The following ROBO2 variants were observed in gnomAD, a reference collection of about 807,000 sequenced individuals.
ROBO2 encodes the protein roundabout homolog 2.
In ROBO2, 53 loss-of-function variants were observed where a neutral mutation model predicts 160.8. The ratio of observed to expected loss-of-function variants is 0.33; its 90% CI spans 0.26 to 0.41. The LOEUF is 0.41. Ranked by LOEUF, ROBO2 falls within the 10% of genes least tolerant of loss-of-function variation. The pLI is 1.00. For synonymous variants in ROBO2, 664 were observed against 611.7 expected (o/e 1.09, Z -1.26); for missense variants, 1,577 against 1,722.4 (o/e 0.92, Z 1.49).
intron 16 of ROBO2, among the ~76,000 whole-genome samples, chr3:77,585,883 G>A (rs975240533): frequency 2.6e-5 from 4 of 151,988 alleles, no homozygotes; most frequent in Non-Finnish European, 5.9e-5. Context: ...AACTGGAAAC[G>A]GCACTTGAAG....
At chr3:77,466,111 A>G (rs1483111354) in intron 2 of ROBO2, among the ~76,000 whole-genome samples, 1 of 152,166 alleles carries the variant, frequency 6.6e-6, no homozygotes, top group Non-Finnish European at 1.5e-5. Context: ...TAGAAAAGTG[A>G]TAGAGCTATT....
chr3:77,333,212 AAG>A (rs1217145462), intron 2 of ROBO2, among the ~76,000 whole-genome samples: 2 of 152,206 alleles, frequency 1.3e-5, no homozygotes, highest in Non-Finnish European at 2.9e-5. Flanking sequence ...ATTAACCATG[AAG>A]AGGTTATAGC....
intron 2 of ROBO2, among the ~76,000 whole-genome samples, chr3:76,869,561 G>T (rs2071792020): frequency 6.6e-6 from 1 of 151,868 alleles, no homozygotes; most frequent in African/African-American, 2.4e-5. Context: ...GTGTTGGCCA[G>T]GATGGTCTCG....
At chr3:77,564,891 C>T in intron 11 of ROBO2, 63 bp from the exon 13 acceptor site, 2 of 1,484,854 alleles carry the variant, frequency 1.3e-6, no homozygotes, top group South Asian at 1.2e-5. Context: ...GTCATTGATA[C>T]CCAACTCCAT....
intron 17 of ROBO2, among the ~76,000 whole-genome samples, chr3:77,592,762 G>A (rs1045525418): frequency 2.0e-5 from 3 of 152,070 alleles, no homozygotes; most frequent in Non-Finnish European, 4.4e-5. Flanking sequence ...GTCTTGGCCA[G>A]GCTGGTCTTG....
chr3:76,299,518 C>T (rs1709254437), intron 2 of ROBO2, among the ~76,000 whole-genome samples: 1 of 152,092 alleles, frequency 6.6e-6, no homozygotes, highest in Admixed American at 6.6e-5. Context: ...ATCATAAAGA[C>T]CTACCAGCTC....
intron 19 of ROBO2, 22 bp from the exon 21 acceptor site, chr3:77,602,188 C>A: frequency 6.2e-7 from 1 of 1,613,838 alleles, no homozygotes; most frequent in East Asian, 2.2e-5. Flanking sequence ...TAAATTGTTT[C>A]ATTTCCCTAT....
intron 2 of ROBO2, among the ~76,000 whole-genome samples, chr3:77,299,990 A>G (rs745888107): frequency 1.3e-5 from 2 of 151,970 alleles, no homozygotes; most frequent in Non-Finnish European, 2.9e-5. Context: ...TCATATTCTC[A>G]TAGTTTGGAA....
intron 2 of ROBO2, among the ~76,000 whole-genome samples, chr3:76,284,720 A>G (rs1576260057): frequency 6.6e-6 from 1 of 152,120 alleles, no homozygotes; most frequent in African/African-American, 2.4e-5. Flanking sequence ...AATTTTATCC[A>G]GAGGCCTGAC....
At chr3:77,511,299 T>C (rs910839242) in intron 5 of ROBO2, among the ~76,000 whole-genome samples, 7 of 151,994 alleles carry the variant, frequency 4.6e-5, no homozygotes, top group Middle Eastern at 3.4e-3. Flanking sequence ...TGGTTAAAAC[T>C]TGAAAGGAGT....
At chr3:76,926,352 T>C (rs2076988655) in intron 2 of ROBO2, among the ~76,000 whole-genome samples, 1 of 152,204 alleles carries the variant, frequency 6.6e-6, no homozygotes, top group Non-Finnish European at 1.5e-5. Flanking sequence ...AGGAACTAAT[T>C]ATAGAAATGT....
intron 2 of ROBO2, among the ~76,000 whole-genome samples, chr3:76,551,867 C>G (rs138364300): frequency 4.9e-4 from 74 of 152,190 alleles, no homozygotes; most frequent in Non-Finnish European, 7.6e-4. Context: ...AGTGTCTGGA[C>G]CCCGTGCTTG....
intron 2 of ROBO2, among the ~76,000 whole-genome samples, chr3:76,532,769 A>G (rs1334487390): frequency 6.6e-6 from 1 of 152,196 alleles, no homozygotes; most frequent in African/African-American, 2.4e-5. Context: ...AAACAGTTCT[A>G]CATTGATAAT....
chr3:77,477,536 A>G, exon 3 of ROBO2: 1 of 1,614,158 alleles, frequency 6.2e-7, no homozygotes, highest in Non-Finnish European at 8.5e-7. Context: ...GAAAAAAGAC[A>G]AAGTTCGAAT....
At chr3:76,637,040 AAT>A (rs1325189422) in intron 2 of ROBO2, among the ~76,000 whole-genome samples, 1 of 152,056 alleles carries the variant, frequency 6.6e-6, no homozygotes, top group African/African-American at 2.4e-5. Context: ...AGCAGCAAGG[AAT>A]AGATAAGATG....
Position 76,614,827 on chromosome 3 carries a change from C to T in ROBO2, c.110-483187C>T, listed in dbSNP as rs367571533. 5.7e-4 allele frequency among the ~76,000 whole-genome samples: 86 copies of T among 152,136 alleles called. 1 individual carries two copies. In the South Asian group the frequency reaches 0.014, roughly 26 times the overall value. On this transcript the variant is annotated intron_variant, in intron 2 of 26. Coordinates refer to the ROBO2 transcript ENST00000487694. Reference sequence around the variant, plus strand: ...ACGGGTTATTAACTGTACTAAATAACGGCTTGTTTATGTCGGTGCATAAAT... The same window carrying T: ...ACGGGTTATTAACTGTACTAAATAATGGCTTGTTTATGTCGGTGCATAAAT...
At chr3:76,188,254 A>G (rs1287030647) in intron 2 of ROBO2, among the ~76,000 whole-genome samples, 2 of 152,134 alleles carry the variant, frequency 1.3e-5, no homozygotes, top group African/African-American at 4.8e-5. Flanking sequence ...TAATTAAGCT[A>G]AAATGAGGTC....
intron 2 of ROBO2, among the ~76,000 whole-genome samples, chr3:76,215,173 A>T (rs1220921581): frequency 6.6e-6 from 1 of 152,202 alleles, no homozygotes; most frequent in Non-Finnish European, 1.5e-5. Context: ...TGTCACCATC[A>T]TCAAAGACCA....
chr3:76,550,536 A>G (rs1424919783), intron 2 of ROBO2, among the ~76,000 whole-genome samples: 2 of 152,344 alleles, frequency 1.3e-5, no homozygotes, highest in East Asian at 3.9e-4. Flanking sequence ...AGGAAGGAGC[A>G]GGAGCCCTGC....
Sources: gnomAD v4.1 joint callset for allele counts (sites outside exome capture counted in the v4.1 genomes callset) on GRCh38, gnomAD v4.1.1 for gene constraint, MANE v1.5 for transcripts, NCBI Gene and HGNC (gene_info 2026-07-23, HGNC 2026-07-21) for gene names.